Variants in AFAP1L1 observed in about 807,000 individuals in gnomAD.
The protein encoded by AFAP1L1 is actin filament associated protein 1 like 1.
Under a neutral mutation model 99.8 loss-of-function variants are expected in AFAP1L1, and 77 were observed. That is an observed-to-expected ratio of 0.77 (90% CI 0.64 to 0.93). The LOEUF (loss-of-function observed/expected upper bound fraction) is 0.93. AFAP1L1 is among the 40% of genes least tolerant of loss of function. AFAP1L1 has a pLI of 0.00. For synonymous variants in AFAP1L1, 373 were observed against 395.3 expected, an observed-to-expected ratio of 0.94 and a Z score of 0.67; for missense variants, 893 against 996.8, an observed-to-expected ratio of 0.90 and a Z score of 1.40.
rs758416438 is a variant in AFAP1L1, at chr5:149,315,882, C to T, written c.1082C>T (p.Ser361Phe). The change falls in exon 10 of 19, where the codon TCT (serine) becomes TTT (phenylalanine). Residue 361 changes from serine to phenylalanine, a missense_variant. By Grantham distance (155) the Ser-to-Phe change is radical. Coordinates refer to ENST00000296721, the MANE Select transcript of AFAP1L1 (RefSeq NM_152406.4). ...SDSVGVGDNC[S>F]TLGRRETCDH... is the part of the protein sequence containing the mutation. ...AGCGTGGGTGTGGGTGACAACTGTT[C>T]TACCCTTGGCCGCCGGGAGACCTGT... is the stretch of plus-strand genomic sequence containing the variant. 1.2e-6 allele frequency: 2 copies of T among 1,614,198 alleles called. No homozygotes were observed. The highest frequency in any genetic ancestry group is 2.2e-5 in the South Asian group (2 of 91,080).
intron 6 of AFAP1L1, 72 bp from the exon 7 acceptor site, chr5:149,307,330 T>A: frequency 6.6e-7 from 1 of 1,505,698 alleles, no homozygotes; most frequent in Non-Finnish European, 9.2e-7. Context: ...AGTGCAGGGA[T>A]CGCTGCAGAG....
chr5:149,343,259 A>G lies in AFAP1L1; in HGVS notation c.*3229A>G, dbSNP rs914923139. Reference sequence around the variant, plus strand: ...AAGCAGGAAAGAAAATGTGACCCAAATAACTACAGTACAAATAACCCATGT... The same window carrying G: ...AAGCAGGAAAGAAAATGTGACCCAAGTAACTACAGTACAAATAACCCATGT... On this transcript the variant is annotated 3_prime_UTR_variant, in exon 19 of 19. Transcript: ENST00000296721. Among the ~76,000 whole-genome samples, 3 of 152,168 alleles carry G rather than the reference A, an allele frequency of 2.0e-5. No homozygotes were observed. The highest frequency in any genetic ancestry group is 4.8e-5 in the African/African-American group (2 of 41,430).
rs1581354186 is a variant in AFAP1L1, at chr5:149,343,029, G to T, written c.*2999G>T. On this transcript the variant is annotated 3_prime_UTR_variant, in exon 19 of 19. Transcript: ENST00000296721. ...CTACTGTCACTGTTTCCTTATTGCG[G>T]GATCTTGCATAGGTTTACCAACCTT... 6.6e-6 allele frequency among the ~76,000 whole-genome samples: 1 copy of T among 152,274 alleles called. No individual in the cohort carries two copies. Among genetic ancestry groups the T allele is most frequent in the East Asian group, 1.9e-4 (1 of 5,190 alleles).
chr5:149,310,285 G>A, intron 8 of AFAP1L1, 150 bp downstream of exon 8: 1 of 945,006 alleles, frequency 1.1e-6, no homozygotes, highest in South Asian at 1.9e-5. Flanking sequence ...CTTATGTATG[G>A]AAATGGGCCT....
chr5:149,278,278 T>G (rs1755402180), intron 1 of AFAP1L1, among the ~76,000 whole-genome samples: 1 of 152,140 alleles, frequency 6.6e-6, no homozygotes, highest in Non-Finnish European at 1.5e-5. Context: ...CAGCAACTCC[T>G]CTTGCACACT....
intron 5 of AFAP1L1, among the ~76,000 whole-genome samples, chr5:149,303,172 T>TA (rs562423935): frequency 1.6e-4 from 25 of 151,994 alleles, no homozygotes; most frequent in African/African-American, 2.4e-4. Flanking sequence ...AGCATATTTG[T>TA]AAAAAAAAGT....
chr5:149,311,888 C>G (rs969622144), intron 8 of AFAP1L1, among the ~76,000 whole-genome samples: 4 of 152,216 alleles, frequency 2.6e-5, no homozygotes, highest in Non-Finnish European at 5.9e-5. Context: ...CAATAAGCCT[C>G]TTGGTCCCCA....
intron 1 of AFAP1L1, among the ~76,000 whole-genome samples, chr5:149,275,662 T>C (rs2083222): frequency 0.015 from 2,263 of 152,112 alleles, 59 homozygotes; most frequent in African/African-American, 0.051. Flanking sequence ...TGCACCACCA[T>C]GCCCAGCTAA....
chr5:149,330,229 A>T (rs1273411330), intron 16 of AFAP1L1, among the ~76,000 whole-genome samples: 2 of 152,220 alleles, frequency 1.3e-5, no homozygotes, highest in African/African-American at 4.8e-5. Context: ...AGTGCAGGGA[A>T]TAATGGACAT....
At chr5:149,307,697 G>A in intron 7 of AFAP1L1, 84 bp downstream of exon 7, 1 of 1,414,206 alleles carries the variant, frequency 7.1e-7, no homozygotes. Context: ...GGATATGTCT[G>A]CCTTGGGCAT....
intron 9 of AFAP1L1, among the ~76,000 whole-genome samples, chr5:149,314,377 G>C (rs1180085191): frequency 6.6e-6 from 1 of 152,246 alleles, no homozygotes; most frequent in Non-Finnish European, 1.5e-5. Flanking sequence ...GCAGAGTTGA[G>C]CTTTCCTGTG....
chr5:149,307,258 T>G, intron 6 of AFAP1L1, 144 bp from the exon 7 acceptor site: 1 of 796,338 alleles, frequency 1.3e-6, no homozygotes, highest in Non-Finnish European at 2.0e-6. Context: ...AAAAAAAAAG[T>G]AGGGGCCTTA....
intron 15 of AFAP1L1, among the ~76,000 whole-genome samples, chr5:149,328,741 G>C (rs1368463323): frequency 6.6e-6 from 1 of 152,174 alleles, no homozygotes; most frequent in African/African-American, 2.4e-5. Context: ...TTGAACCCCA[G>C]AGGTGGAGGT....
chr5:149,307,857 T>TCTCTCTCTCTCTCTCTCTCTCTCTCTCTC, intron 7 of AFAP1L1, among the ~76,000 whole-genome samples: 1 of 147,644 alleles, frequency 6.8e-6, no homozygotes, highest in South Asian at 2.2e-4. Context: ...TCTCTCTCTC[T>TCTCTCTCTCTCTCTCTCTCTCTCTCTCTC]TAAATTTAAA....
At chr5:149,333,274 G>A (rs974497768) in intron 17 of AFAP1L1, among the ~76,000 whole-genome samples, 1 of 152,196 alleles carries the variant, frequency 6.6e-6, no homozygotes, top group Admixed American at 6.5e-5. Flanking sequence ...TAGTTTAGGG[G>A]TTGACAGACA....
intron 15 of AFAP1L1, among the ~76,000 whole-genome samples, chr5:149,323,967 A>T (rs1757025639): frequency 6.6e-6 from 1 of 152,256 alleles, no homozygotes; most frequent in Non-Finnish European, 1.5e-5. Flanking sequence ...ATCAAATCTT[A>T]TATGAAAGCC....
Position 149,276,285 on chromosome 5 carries a change from G to A in AFAP1L1, c.16+4301G>A, listed in dbSNP as rs148586706. On this transcript the variant is annotated intron_variant, in intron 1 of 18. Coordinates refer to ENST00000296721, the MANE Select transcript of AFAP1L1 (RefSeq NM_152406.4). ...TGACTTGAGAATGGAAACAAACGCCGAAAGTAGAATTTCTCTTCCAACAGG... is the reference window on the plus strand; with the variant it reads ...TGACTTGAGAATGGAAACAAACGCCAAAAGTAGAATTTCTCTTCCAACAGG... Among the ~76,000 whole-genome samples the A allele has an allele frequency of 1.2e-4, 19 of 152,358 alleles. No individual in the cohort carries two copies. The East Asian group carries it at 2.9e-3, about 23-fold the overall frequency.
Position 149,310,473 on chromosome 5 carries a change from AAAC to A in AFAP1L1, c.927+350_927+352del, listed in dbSNP as rs1412330113. Among the ~76,000 whole-genome samples, 6 of 152,344 alleles carry A rather than the reference AAAC, an allele frequency of 3.9e-5. No individual in the cohort carries two copies. In the East Asian group the frequency reaches 7.7e-4, roughly 20 times the overall value. ...TCATCATTAGACCAGTGAATTCTTA[AAAC>A]AACAACAACAAAGGAAAAATCCTTC... On this transcript the variant is annotated intron_variant, in intron 8 of 18. Coordinates refer to ENST00000296721, the MANE Select transcript of AFAP1L1 (RefSeq NM_152406.4).
At chr5:149,283,088 T>C (rs536716578) in intron 1 of AFAP1L1, among the ~76,000 whole-genome samples, 1 of 152,206 alleles carries the variant, frequency 6.6e-6, no homozygotes, top group Non-Finnish European at 1.5e-5. Context: ...GGAAACCACT[T>C]ACCTAATCCT....
Sources: allele counts gnomAD v4.1 joint callset (sites outside exome capture counted in the v4.1 genomes callset), GRCh38; gene constraint gnomAD v4.1.1; transcripts MANE v1.5; gene names NCBI Gene and HGNC (gene_info 2026-07-23, HGNC 2026-07-21).